The following MYH4 variants were observed in gnomAD, a reference collection of about 807,000 sequenced individuals.
The protein encoded by MYH4 is myosin heavy chain 4.
Under a neutral mutation model 229.9 loss-of-function variants are expected in MYH4, and 200 were observed. That is an observed-to-expected ratio of 0.87 (90% CI 0.78 to 0.98). MYH4 has a LOEUF of 0.98. Among genes scored for constraint, MYH4 ranks in the 50% least tolerant of loss-of-function variants. The probability of loss-of-function intolerance (pLI) is 0.00; values close to 1 mark genes in which losing one functional copy is unlikely to be tolerated. For synonymous variants in MYH4, 761 were observed against 834.6 expected, an observed-to-expected ratio of 0.91 and a Z score of 1.52; for missense variants, 2,148 against 2,332.6, an observed-to-expected ratio of 0.92 and a Z score of 1.63.
intron 27 of MYH4, 87 bp downstream of exon 27, chr17:10,451,854 G>A (rs2072576959): frequency 1.3e-6 from 2 of 1,484,376 alleles, no homozygotes; most frequent in Admixed American, 2.2e-5. Flanking sequence ...TAATGTTTGT[G>A]TAATTTGGCT....
chr17:10,451,595 G>C, intron 27 of MYH4, 143 bp from the exon 28 acceptor site: 2 of 911,806 alleles, frequency 2.2e-6, no homozygotes. Flanking sequence ...TAAAGTAGTA[G>C]AGGCATTTAA....
chr17:10,454,876 G>A, intron 21 of MYH4, 65 bp downstream of exon 21: 3 of 1,610,228 alleles, frequency 1.9e-6, no homozygotes, highest in Non-Finnish European at 2.5e-6. Flanking sequence ...CTCAACAAAA[G>A]TAATGACTGC....
At chr17:10,455,428 T>A (rs1347534226) in intron 19 of MYH4, 133 bp from the exon 20 acceptor site, 1 of 1,301,998 alleles carries the variant, frequency 7.7e-7, no homozygotes, top group African/African-American at 1.5e-5. Context: ...AAGTCAGTGC[T>A]TTATTTAAAA....
chr17:10,466,306 G>GT lies in MYH4; in HGVS notation c.314dup (p.Asn105LysfsTer34), dbSNP rs1288107084. 6.2e-7 allele frequency: 1 copy of GT among 1,614,028 alleles called. No homozygotes were observed. Among genetic ancestry groups the GT allele is most frequent in the East Asian group, 2.2e-5 (1 of 44,880 alleles). On this transcript the variant is annotated frameshift_variant, in exon 4 of 40. Coordinates refer to ENST00000255381, the MANE Select transcript of MYH4 (RefSeq NM_017533.2). LOFTEE classifies it high-confidence loss of function. ...TCCAGGCTGCGTAACGCTCTTTGAG[G>GT]TTATACAGCACAGCAGGCTCATGCA...
rs1398216591 is a variant in MYH4 at position 10,453,195 on chromosome 17, G to T, written c.3068C>A (p.Thr1023Asn). ...TAGCTTGGTTTTAGCTTTGGTCAGG[G>T]TGTTGACTTTGTCCTCCTCCATCTG... ...DLQMEEDKVN[T>N]LTKAKTKLEQ... Residue 1023 changes from threonine to asparagine, a missense_variant, in exon 24 of 40, where the codon ACC becomes AAC. By Grantham distance (65) the Thr-to-Asn change is moderately conservative (BLOSUM62 0). Coordinates refer to ENST00000255381, the MANE Select transcript of MYH4 (RefSeq NM_017533.2). 1.2e-6 allele frequency: 2 copies of T among 1,613,950 alleles called. No homozygotes were observed. The highest frequency in any genetic ancestry group is 1.3e-5 in the African/African-American group (1 of 74,894).
chr17:10,466,393 T>C lies in MYH4; in HGVS notation c.228A>G (p.Gln76=). 1 of 1,614,152 alleles carries C rather than the reference T, an allele frequency of 6.2e-7. No homozygotes were observed. Among genetic ancestry groups the C allele is most frequent in the Non-Finnish European group, 8.5e-7 (1 of 1,180,012 alleles). ...AGATVTVKED[Q]VFSMNPPKYD... ...ATTTGGGAGGGTTCATGGAGAAGAC[T>C]TGGTCTTCTTTCACAGTTACAGTCT... Residue 76 remains glutamine (Q), a synonymous_variant, in exon 4 of 40, where the codon CAA becomes CAG. Transcript: ENST00000255381.
At chr17:10,461,139 C>G (rs1180656216) in intron 11 of MYH4, 85 bp from the exon 12 acceptor site, 8 of 1,464,796 alleles carry the variant, frequency 5.5e-6, no homozygotes, top group East Asian at 2.3e-5. Flanking sequence ...CCACTTTTTT[C>G]TCATCACGCC....
chr17:10,452,085 C>T lies in MYH4; in HGVS notation c.3594G>A (p.Lys1198=). ...QHEATAAALR[K]KHADSVAELG... ...GCTCAGCCACACTATCTGCGTGCTT[C>T]TTCCGAAGAGCAGCTGCCGTGGCTT... is the stretch of plus-strand genomic sequence containing the variant. Residue 1198 remains lysine (K), a synonymous_variant, in exon 27 of 40, where the codon AAG becomes AAA. Transcript: ENST00000255381. 6.2e-7 allele frequency: 1 copy of T among 1,614,010 alleles called. No individual in the cohort carries two copies. The highest frequency in any genetic ancestry group is 8.5e-7 in the Non-Finnish European group (1 of 1,179,960).
Position 10,450,503 on chromosome 17 carries a change from G to C in MYH4, c.4131C>G (p.Thr1377=), listed in dbSNP as rs367557852. 1 of 1,614,042 alleles carries C rather than the reference G, an allele frequency of 6.2e-7. No homozygotes were observed. Among genetic ancestry groups the C allele is most frequent in the African/African-American group, 1.3e-5 (1 of 75,032 alleles). The change falls in exon 30 of 40, where the codon ACC becomes ACG. Residue 1377 remains threonine, a synonymous_variant. Coordinates refer to ENST00000255381, the MANE Select transcript of MYH4 (RefSeq NM_017533.2). ...GCTGGATGGCGTCCGTCTCGTACTT[G>C]GTCCTCCACTGGGCAACCTCACTGT... ...KANSEVAQWR[T]KYETDAIQRT... is the part of the protein sequence containing the mutation.
chr17:10,468,534 G>A (rs1212196150), intron 2 of MYH4, among the ~76,000 whole-genome samples: 1 of 152,160 alleles, frequency 6.6e-6, no homozygotes, highest in Non-Finnish European at 1.5e-5. Context: ...AGGTTTTCAT[G>A]ATTATATATA....
Position 10,447,927 on chromosome 17 carries a change from T to C in MYH4, c.4856A>G (p.Lys1619Arg). 1 of 1,614,056 alleles carries C rather than the reference T, an allele frequency of 6.2e-7. No homozygotes were observed. The change falls in exon 34 of 40, where the codon AAG becomes AGG. Residue 1619 changes from lysine to arginine, a missense_variant. Coordinates refer to ENST00000255381, the MANE Select transcript of MYH4 (RefSeq NM_017533.2). ...ATTAAGATCTCCCTCCATCTTCTTCTTGATCCTCAGAGCATCATTTCTGCT... is the reference window on the plus strand; with the variant it reads ...ATTAAGATCTCCCTCCATCTTCTTCCTGATCCTCAGAGCATCATTTCTGCT... ...IRSRNDALRI[K>R]KKMEGDLNEM... is the part of the protein sequence containing the mutation.
At chr17:10,453,978 G>A in intron 22 of MYH4, 93 bp from the exon 23 acceptor site, 1 of 1,522,982 alleles carries the variant, frequency 6.6e-7, no homozygotes, top group Non-Finnish European at 8.9e-7. Flanking sequence ...GTGACTACCT[G>A]TTTGGTCAAC....
Position 10,466,327 on chromosome 17 carries a change from A to T in MYH4, c.294T>A (p.His98Gln), listed in dbSNP as rs1386357652. 2 of 1,613,316 alleles carry T rather than the reference A, an allele frequency of 1.2e-6. No individual in the cohort carries two copies. The highest frequency in any genetic ancestry group is 1.7e-6 in the Non-Finnish European group (2 of 1,179,332). ...TGAGGTTATACAGCACAGCAGGCTC[A>T]TGCAGGTGAGTCATCATGGCCATGT... Reference protein sequence around the residue: ...IEDMAMMTHLHEPAVLYNLKE... With the variant: ...IEDMAMMTHLQEPAVLYNLKE... Residue 98 changes from histidine (H) to glutamine (Q), a missense_variant, in exon 4 of 40, where the codon CAT becomes CAA. By Grantham distance (24) the His-to-Gln change is conservative. Coordinates refer to ENST00000255381, the MANE Select transcript of MYH4 (RefSeq NM_017533.2).
At chr17:10,451,841 A>G in intron 27 of MYH4, 100 bp downstream of exon 27, 3 of 1,430,222 alleles carry the variant, frequency 2.1e-6, no homozygotes, top group South Asian at 2.8e-5. Context: ...TTCAGATGCC[A>G]TCTAATGTTT....
At chr17:10,445,609 A>G (rs542060644) in intron 35 of MYH4, among the ~76,000 whole-genome samples, 1 of 152,320 alleles carries the variant, frequency 6.6e-6, no homozygotes, top group South Asian at 2.1e-4. Context: ...TGTAAGCATG[A>G]AACACAGCCC....
In MYH4 at chr17:10,448,566, T is replaced by G. The variant is rs756420776; in HGVS notation, c.4532-46A>C. On this transcript the variant is annotated intron_variant, in intron 32 of 39. Transcript: ENST00000255381. ...ATTTCAGTTAAGTAGAAAGAAAAAT[T>G]GAAAAGATGTCTCCCTACCATTTTT... 7.5e-6 allele frequency: 12 copies of G among 1,609,798 alleles called. No homozygotes were observed. In the East Asian group the frequency reaches 2.7e-4, roughly 36 times the overall value.
chr17:10,453,420 G>C (rs148255014), intron 23 of MYH4, 92 bp from the exon 24 acceptor site: 10 of 1,592,336 alleles, frequency 6.3e-6, no homozygotes, highest in Non-Finnish European at 8.6e-6. Context: ...TAATGTCAGC[G>C]TAAGATGGAA....
At chr17:10,462,160 G>A (rs1457348175) in intron 11 of MYH4, among the ~76,000 whole-genome samples, 1 of 152,088 alleles carries the variant, frequency 6.6e-6, no homozygotes, top group South Asian at 2.1e-4. Context: ...TGGGGGTATT[G>A]GGATAGTCCC....
Position 10,447,228 on chromosome 17 carries a change from G to C in MYH4, c.4966-12C>G. On this transcript the variant is annotated splice_polypyrimidine_tract_variant and intron_variant, in intron 34 of 39. Transcript: ENST00000255381. ...TGTAGCTGAGTGTCCTACACAGAAAGAGAAAAAGCCTCTTACTCATGCTGC... is the reference window on the plus strand; with the variant it reads ...TGTAGCTGAGTGTCCTACACAGAAACAGAAAAAGCCTCTTACTCATGCTGC... 3.1e-6 allele frequency: 5 copies of C among 1,612,202 alleles called. No homozygotes were observed. Among genetic ancestry groups the C allele is most frequent in the Non-Finnish European group, 4.2e-6 (5 of 1,178,996 alleles).
Sources: allele counts gnomAD v4.1 joint callset (sites outside exome capture counted in the v4.1 genomes callset), GRCh38; gene constraint gnomAD v4.1.1; transcripts MANE v1.5; gene names NCBI Gene and HGNC (gene_info 2026-07-23, HGNC 2026-07-21).